DOCK9: variants seen among roughly 807,000 people sequenced by gnomAD.
DOCK9 encodes the protein dedicator of cytokinesis 9.
In DOCK9, 89 loss-of-function variants were observed where a neutral mutation model predicts 263.3. The observed-to-expected ratio is 0.34, with a 90% CI of 0.28 to 0.40. The LOEUF (loss-of-function observed/expected upper bound fraction) is 0.40, where lower values mean the gene tolerates loss of function less well. DOCK9 is among the 10% of genes least tolerant of loss of function. The pLI, the probability that DOCK9 is intolerant of heterozygous loss-of-function variation, is 1.00. For missense variants in DOCK9, 2,140 were observed against 2,603.4 expected (o/e 0.82, Z 3.87); for synonymous variants, 976 against 973.1 (o/e 1.00, Z -0.06).
chr13:98,801,615 T>C (rs2090117062), intron 49 of DOCK9, among the ~76,000 whole-genome samples: 3 of 152,252 alleles, frequency 2.0e-5, no homozygotes, highest in Admixed American at 2.0e-4. Flanking sequence ...TATTGCTCTA[T>C]ATAATATAGA....
In DOCK9 at chr13:98,883,819, A is replaced by G. The variant is rs1452977652; in HGVS notation, c.2463T>C (p.Tyr821=). ...TTGTTGAAGGAGCACATACCTGAGTATACACTGTAGAAACCAGATGAGTGG... is the reference window on the plus strand; with the variant it reads ...TTGTTGAAGGAGCACATACCTGAGTGTACACTGTAGAAACCAGATGAGTGG... ...KISTHLVSTV[Y]TQDQHLHNFF... is the part of the protein sequence containing the mutation. The change falls in exon 22 of 53, where the codon TAT becomes TAC. Residue 821 remains tyrosine, a synonymous_variant. Coordinates refer to ENST00000682017, the MANE Select transcript of DOCK9 (RefSeq NM_001366683.2). 7.5e-6 allele frequency: 12 copies of G among 1,609,412 alleles called. No homozygotes were observed. The highest frequency in any genetic ancestry group is 1.0e-5 in the Non-Finnish European group (12 of 1,177,856).
chr13:99,062,654 T>G (rs749761854), intron 1 of DOCK9, among the ~76,000 whole-genome samples: 1 of 152,212 alleles, frequency 6.6e-6, no homozygotes, highest in Non-Finnish European at 1.5e-5. Flanking sequence ...GCTGCCTGCT[T>G]TTCTGCTTTT....
intron 30 of DOCK9, 75 bp from the exon 31 acceptor site, chr13:98,863,623 C>CA (rs1244915026): frequency 1.9e-5 from 27 of 1,439,936 alleles, no homozygotes; most frequent in African/African-American, 5.7e-5. Flanking sequence ...AACAAACAAA[C>CA]AAAAAAAACT....
At chr13:98,982,562 C>T (rs1877459421), upstream of DOCK9, among the ~76,000 whole-genome samples, 1 of 152,174 alleles carries the variant, frequency 6.6e-6, no homozygotes, top group Non-Finnish European at 1.5e-5. Context: ...TCACTGAGGG[C>T]AGGGACTGTA....
At position 98,839,448 on chromosome 13, in the gene DOCK9, T is replaced by G. The variant is rs572426793; in HGVS notation, c.4199-1839A>C. ...CTGTTAAAGTGATCACATACTGTGGTAAGAGGGCACACACAAGAAATACAA... is the reference window on the plus strand; with the variant it reads ...CTGTTAAAGTGATCACATACTGTGGGAAGAGGGCACACACAAGAAATACAA... On this transcript the variant is annotated intron_variant, in intron 38 of 52. Transcript: ENST00000682017. Among the ~76,000 whole-genome samples, 14 of 152,320 alleles carry G rather than the reference T, an allele frequency of 9.2e-5. No individual in the cohort carries two copies. In the South Asian group the frequency reaches 2.7e-3, roughly 29 times the overall value.
Position 98,864,532 on chromosome 13 carries a change from G to GA in DOCK9, c.3287-985dup, listed in dbSNP as rs1383365486. Among the ~76,000 whole-genome samples the GA allele has an allele frequency of 2.6e-5, 4 of 152,172 alleles. No homozygotes were observed. The South Asian group carries it at 6.2e-4, about 24-fold the overall frequency. ...CTATGAAACCCTTTAATAGAAGGGG[G>GA]AGAGTATTCATTTTCTAGATTATGT... On this transcript the variant is annotated intron_variant, in intron 30 of 52. Coordinates refer to ENST00000682017, the MANE Select transcript of DOCK9 (RefSeq NM_001366683.2).
Position 99,062,209 on chromosome 13 carries a change from A to T in DOCK9, c.129+24014T>A, listed in dbSNP as rs903028991. Among the ~76,000 whole-genome samples the T allele has an allele frequency of 2.0e-5, 3 of 152,214 alleles. No homozygotes were observed. The East Asian group carries it at 5.8e-4, about 29-fold the overall frequency. On this transcript the variant is annotated intron_variant, in intron 1 of 32. Coordinates refer to the DOCK9 transcript ENST00000427887. ...AAAATGTACCAAAGAAAGGTCCCCTAAGAGCATCTGACAAGCCAACTTCTT... is the reference window on the plus strand; with the variant it reads ...AAAATGTACCAAAGAAAGGTCCCCTTAGAGCATCTGACAAGCCAACTTCTT...
At chr13:98,854,976 C>T (rs1175433345) in intron 34 of DOCK9, among the ~76,000 whole-genome samples, 1 of 152,122 alleles carries the variant, frequency 6.6e-6, no homozygotes, top group Non-Finnish European at 1.5e-5. Context: ...TGGGCACTTG[C>T]CTGTAACTTG....
chr13:99,038,288 C>CTTTTTTT (rs71419743), intron 1 of DOCK9, among the ~76,000 whole-genome samples: 38 of 86,262 alleles, frequency 4.4e-4, no homozygotes, highest in Non-Finnish European at 5.4e-4. Flanking sequence ...TTATGCCCCC[C>CTTTTTTT]TTTTTTTTTT....
intron 45 of DOCK9, among the ~76,000 whole-genome samples, chr13:98,814,015 T>C (rs769577711): frequency 2.6e-5 from 4 of 152,236 alleles, no homozygotes; most frequent in Non-Finnish European, 4.4e-5. Flanking sequence ...ATACTGTAAA[T>C]GAAGGGCAAG....
At chr13:98,959,286 G>A (rs1014624286) in intron 1 of DOCK9, 3 of 152,326 alleles carry the variant, frequency 2.0e-5, no homozygotes, top group Middle Eastern at 3.4e-3. Context: ...TTAAAGACTG[G>A]TCATGCAGTA....
intron 4 of DOCK9, among the ~76,000 whole-genome samples, chr13:98,924,413 C>A (rs1294213577): frequency 1.3e-5 from 2 of 152,204 alleles, no homozygotes; most frequent in South Asian, 2.1e-4. Flanking sequence ...GTAATATTTT[C>A]ATTGGTGATG....
chr13:98,852,024 T>C (rs373010125), intron 35 of DOCK9, among the ~76,000 whole-genome samples: 4 of 152,366 alleles, frequency 2.6e-5, no homozygotes, highest in East Asian at 3.9e-4. Context: ...GAATAACTTT[T>C]ACTTGAATTC....
intron 52 of DOCK9, among the ~76,000 whole-genome samples, chr13:98,796,578 A>G (rs1200311960): frequency 6.6e-6 from 1 of 152,238 alleles, no homozygotes; most frequent in Admixed American, 6.5e-5. Context: ...AAGAGATAAC[A>G]GCAAAATAAT....
chr13:98,899,044 ATTAC>A (rs1759173166), intron 13 of DOCK9, among the ~76,000 whole-genome samples: 1 of 135,358 alleles, frequency 7.4e-6, no homozygotes, highest in South Asian at 2.4e-4. Context: ...GGTCTTTTAC[ATTAC>A]TTAATTTTTT....
chr13:98,879,712 T>C (rs1466964176), intron 27 of DOCK9, among the ~76,000 whole-genome samples, 186 bp downstream of exon 27: 3 of 152,170 alleles, frequency 2.0e-5, no homozygotes, highest in East Asian at 1.9e-4. Context: ...TCCCCATCTA[T>C]AAAATAGGTA....
chr13:98,883,266 G>C (rs1207573399), intron 22 of DOCK9, 135 bp from the exon 23 acceptor site: 4 of 830,632 alleles, frequency 4.8e-6, no homozygotes, highest in Non-Finnish European at 3.7e-6. Flanking sequence ...TGTTTTTTTT[G>C]AGACAGAGTC....
At chr13:98,939,578 T>C (rs956461498) in intron 2 of DOCK9, among the ~76,000 whole-genome samples, 2 of 151,810 alleles carry the variant, frequency 1.3e-5, no homozygotes, top group Non-Finnish European at 2.9e-5. Flanking sequence ...AATCTTAGGG[T>C]GGGCCTGGGG....
chr13:98,821,719 G>A (rs1341421830), intron 45 of DOCK9, among the ~76,000 whole-genome samples: 6 of 152,324 alleles, frequency 3.9e-5, no homozygotes, highest in Admixed American at 3.3e-4. Context: ...AAAGGAGTCT[G>A]CTCTTCGGCT....
Sources: gnomAD v4.1 joint callset for allele counts (sites outside exome capture counted in the v4.1 genomes callset) on GRCh38, gnomAD v4.1.1 for gene constraint, MANE v1.5 for transcripts, NCBI Gene and HGNC (gene_info 2026-07-23, HGNC 2026-07-21) for gene names.